UBXN11: variants seen among roughly 807,000 people sequenced by gnomAD.
The protein encoded by UBXN11 is UBX domain protein 11, also known as UBX domain-containing protein 11.
Under a neutral mutation model 62.8 loss-of-function variants are expected in UBXN11, and 47 were observed. The observed-to-expected ratio is 0.75, with a 90% CI of 0.59 to 0.95. UBXN11 has a LOEUF of 0.95. UBXN11 is among the 40% of genes least tolerant of loss of function. The pLI, the probability that UBXN11 is intolerant of heterozygous loss-of-function variation, is 0.00. For synonymous variants in UBXN11, 294 were observed against 267.0 expected, an observed-to-expected ratio of 1.10 and a Z score of -0.99; for missense variants, 638 against 661.7, an observed-to-expected ratio of 0.96 and a Z score of 0.39.
upstream of UBXN11, among the ~76,000 whole-genome samples, chr1:26,311,242 C>T (rs1335312141): frequency 5.9e-5 from 9 of 151,264 alleles, no homozygotes; most frequent in Admixed American, 4.6e-4. Context: ...CAGGTTCAAG[C>T]GATTCTCTGC....
rs2073185213 is a variant in UBXN11, at chr1:26,288,596, TCA to T, written c.560-2561_560-2560del. On this transcript the variant is annotated intron_variant, in intron 8 of 14. Transcript: ENST00000374222. The stretch of plus-strand genomic sequence containing the variant: ...GATGGAGAGAGGTGCAGCTGGGGAG[TCA>T]CACAGCAGGAGTAAGGTCAGAGGGC... Among the ~76,000 whole-genome samples the T allele has an allele frequency of 2.0e-5, 3 of 151,520 alleles. No homozygotes were observed. In the South Asian group the frequency reaches 6.3e-4, roughly 32 times the overall value.
At chr1:26,292,899 T>C (rs2073305142) in intron 8 of UBXN11, among the ~76,000 whole-genome samples, 2 of 151,372 alleles carry the variant, frequency 1.3e-5, no homozygotes, top group Admixed American at 6.6e-5. Flanking sequence ...TGGGAAGTGA[T>C]GTTTTGAGAA....
chr1:26,309,631 T>G (rs1462691477), upstream of UBXN11, among the ~76,000 whole-genome samples: 1 of 152,146 alleles, frequency 6.6e-6, no homozygotes, highest in Non-Finnish European at 1.5e-5. Flanking sequence ...TGGAAAATAA[T>G]AAGAGCCATC....
chr1:26,287,473 G>A (rs1009319278), intron 8 of UBXN11, among the ~76,000 whole-genome samples: 2 of 151,948 alleles, frequency 1.3e-5, no homozygotes, highest in African/African-American at 4.8e-5. Context: ...TGGCCCCCAA[G>A]TAAGTCATCT....
chr1:26,316,707 A>G (rs2073798774), intron 1 of UBXN11, among the ~76,000 whole-genome samples: 2 of 152,034 alleles, frequency 1.3e-5, no homozygotes, highest in African/African-American at 4.8e-5. Flanking sequence ...GGCACCACAG[A>G]GGGTATCAAG....
chr1:26,290,864 T>C (rs2073246425), intron 8 of UBXN11, among the ~76,000 whole-genome samples: 1 of 151,826 alleles, frequency 6.6e-6, no homozygotes, highest in African/African-American at 2.4e-5. Flanking sequence ...AAGGGAGAAC[T>C]TCAGAGCTGA....
intron 10 of UBXN11, 193 bp downstream of exon 10, chr1:26,285,271 C>T: frequency 7.4e-7 from 1 of 1,356,842 alleles, no homozygotes; most frequent in Non-Finnish European, 9.5e-7. Context: ...GAGGGCGCTG[C>T]CTGCTGCTCT....
intron 4 of UBXN11, among the ~76,000 whole-genome samples, chr1:26,299,576 CAG>C (rs892226022): frequency 6.7e-6 from 1 of 149,606 alleles, no homozygotes; most frequent in Admixed American, 6.7e-5. Flanking sequence ...AGCTAAGAGA[CAG>C]AGCCTAGAAG....
At chr1:26,310,410 C>T (rs952160553), upstream of UBXN11, among the ~76,000 whole-genome samples, 1 of 151,956 alleles carries the variant, frequency 6.6e-6, no homozygotes, top group Non-Finnish European at 1.5e-5. Context: ...TGGTGGCATG[C>T]GCCTATAATC....
chr1:26,316,863 C>T (rs2073800391), intron 1 of UBXN11, among the ~76,000 whole-genome samples: 1 of 151,772 alleles, frequency 6.6e-6, no homozygotes, highest in African/African-American at 2.4e-5. Flanking sequence ...CCTTCCCTCG[C>T]TCCCCTCCCA....
intron 8 of UBXN11, among the ~76,000 whole-genome samples, chr1:26,290,086 C>T (rs976577699): frequency 2.6e-5 from 4 of 152,218 alleles, no homozygotes; most frequent in Non-Finnish European, 5.9e-5. Context: ...CATTGAGCTA[C>T]GCACCACCCT....
upstream of UBXN11, among the ~76,000 whole-genome samples, chr1:26,310,982 C>T (rs965336190): frequency 5.3e-5 from 8 of 151,984 alleles, no homozygotes; most frequent in Admixed American, 1.3e-4. Context: ...TCATCTTGAT[C>T]GCATCCAGTG....
chr1:26,301,531 C>T (rs1181453180), intron 3 of UBXN11, among the ~76,000 whole-genome samples, 163 bp downstream of exon 3: 2 of 152,152 alleles, frequency 1.3e-5, no homozygotes, highest in Non-Finnish European at 2.9e-5. Flanking sequence ...AGGAGGGAAG[C>T]CCAGCCCTCA....
chr1:26,298,175 T>G, intron 4 of UBXN11, 113 bp from the exon 5 acceptor site: 1 of 1,041,784 alleles, frequency 9.6e-7, no homozygotes, highest in South Asian at 1.4e-5. Context: ...TGAGAGCAGC[T>G]CCCACTGGCA....
rs187834416 is a variant in UBXN11, at chr1:26,285,722, T to C, written c.774+101A>G. ...GTCGTGTGTGGGCCTGGGTGCCCCGTGGAGGGCAGGCTGGGCCTGGGGTGA... is the reference window on the plus strand; with the variant it reads ...GTCGTGTGTGGGCCTGGGTGCCCCGCGGAGGGCAGGCTGGGCCTGGGGTGA... On this transcript the variant is annotated intron_variant, in intron 9 of 14. Transcript: ENST00000374222. 1.8e-5 allele frequency: 26 copies of C among 1,455,446 alleles called. No individual in the cohort carries two copies. The East Asian group carries it at 6.1e-4, about 34-fold the overall frequency. 90.2% of individuals were successfully genotyped at this position (1,455,446 alleles called of 1,614,324 possible).
chr1:26,305,786 C>G lies in UBXN11; in HGVS notation c.-36+806G>C, dbSNP rs1274658342. On this transcript the variant is annotated intron_variant, in intron 1 of 14. Transcript: ENST00000374222. ...CCCATCACCCAACCACATTTTTTCT[C>G]TCCTTCCTTCCCTCTTACGCCATCT... Among the ~76,000 whole-genome samples, 4 of 152,112 alleles carry G rather than the reference C, an allele frequency of 2.6e-5. No individual in the cohort carries two copies. In the East Asian group the frequency reaches 7.7e-4, roughly 29 times the overall value.
At chr1:26,307,922 C>T (rs990964522), upstream of UBXN11, among the ~76,000 whole-genome samples, 1 of 152,046 alleles carries the variant, frequency 6.6e-6, no homozygotes, top group Non-Finnish European at 1.5e-5. Context: ...AAATTGGAAG[C>T]TAAAGAGAGC....
At chr1:26,311,230 C>G (rs1283214867), upstream of UBXN11, among the ~76,000 whole-genome samples, 1 of 151,434 alleles carries the variant, frequency 6.6e-6, no homozygotes, top group Non-Finnish European at 1.5e-5. Flanking sequence ...AACTCCAGCT[C>G]CCAGGTTCAA....
intron 8 of UBXN11, among the ~76,000 whole-genome samples, chr1:26,286,358 C>T (rs1245960132): frequency 6.6e-6 from 1 of 152,184 alleles, no homozygotes; most frequent in Non-Finnish European, 1.5e-5. Context: ...CAGTAGTAAG[C>T]AGCAGAAGCA....
Sources: allele counts gnomAD v4.1 joint callset (sites outside exome capture counted in the v4.1 genomes callset), GRCh38; gene constraint gnomAD v4.1.1; transcripts MANE v1.5; gene names NCBI Gene and HGNC (gene_info 2026-07-23, HGNC 2026-07-21).